Variants in ST8SIA6 observed in about 807,000 individuals in gnomAD.
ST8SIA6 encodes the protein alpha-2,8-sialyltransferase 8F.
Under a neutral mutation model 33.6 loss-of-function variants are expected in ST8SIA6, and 39 were observed. The ratio of observed to expected loss-of-function variants is 1.16; its 90% CI spans 0.90 to 1.52. The LOEUF (loss-of-function observed/expected upper bound fraction) is 1.52, where lower values mean the gene tolerates loss of function less well. Among genes scored for constraint, ST8SIA6 ranks in the 40% most tolerant of loss-of-function variants. The pLI, the probability that ST8SIA6 is intolerant of heterozygous loss-of-function variation, is 0.00. For synonymous variants in ST8SIA6, 172 were observed against 167.2 expected (o/e 1.03, Z -0.22); for missense variants, 441 against 443.8 (o/e 0.99, Z 0.06).
chr10:17,372,594 G>C lies in ST8SIA6; in HGVS notation c.291-12994C>G, dbSNP rs74117645. Among the ~76,000 whole-genome samples, 867 of 152,290 alleles carry C rather than the reference G, an allele frequency of 5.7e-3. 13 individuals are homozygous for C. Among genetic ancestry groups the C allele is most frequent in the African/African-American group, 0.019 (793 of 41,538 alleles). ...ACATACATTTAAATTACCTGGCAGA[G>C]AGTCGGCCCACAGAAATGGTAATTG... On this transcript the variant is annotated intron_variant, in intron 3 of 7. Transcript: ENST00000377602.
In ST8SIA6 at chr10:17,327,104, G is replaced by C; in HGVS notation, c.545C>G (p.Pro182Arg). 6.2e-7 allele frequency: 1 copy of C among 1,603,570 alleles called. No individual in the cohort carries two copies. The highest frequency in any genetic ancestry group is 8.5e-7 in the Non-Finnish European group (1 of 1,176,182). ...FPVSQPFVDY[P>R]YNQCAVVGNG... ...TCCGACCACTGCACACTGATTATAA[G>C]GGTAGTCCACAAAAGGCTGGGACTA... Residue 182 changes from proline (P) to arginine (R), a missense_variant, in exon 6 of 8, where the codon CCT becomes CGT. Transcript: ENST00000377602.
At chr10:17,329,126 G>A (rs1588785589) in intron 5 of ST8SIA6, among the ~76,000 whole-genome samples, 1 of 152,118 alleles carries the variant, frequency 6.6e-6, no homozygotes, top group African/African-American at 2.4e-5. Flanking sequence ...AAGAAACTCG[G>A]TTTCAGTACA....
At chr10:17,356,806 C>A (rs1849206154) in intron 4 of ST8SIA6, among the ~76,000 whole-genome samples, 1 of 151,764 alleles carries the variant, frequency 6.6e-6, no homozygotes, top group South Asian at 2.1e-4. Flanking sequence ...ATGGCTGTAC[C>A]CTCCATGGAC....
chr10:17,407,317 A>G lies in ST8SIA6; in HGVS notation c.201-16697T>C, dbSNP rs181114556. On this transcript the variant is annotated intron_variant, in intron 2 of 7. Transcript: ENST00000377602. ...TGTCCAGTTCAAACCAGCTGAGACC[A>G]CCAACCCTCTGAATGCACCTGCATG... 1.4e-3 allele frequency among the ~76,000 whole-genome samples: 207 copies of G among 152,308 alleles called. 2 individuals carry two copies. The highest frequency in any genetic ancestry group is 2.3e-3 in the Non-Finnish European group (156 of 68,032).
chr10:17,398,330 GA>G (rs772366475), intron 2 of ST8SIA6, among the ~76,000 whole-genome samples: 112 of 139,728 alleles, frequency 8.0e-4, no homozygotes, highest in Middle Eastern at 3.7e-3. Context: ...CCATCTTAAG[GA>G]AAAAAAAAAA....
chr10:17,356,641 G>C (rs1224530909), intron 4 of ST8SIA6, among the ~76,000 whole-genome samples: 1 of 152,122 alleles, frequency 6.6e-6, no homozygotes, highest in Non-Finnish European at 1.5e-5. Flanking sequence ...ACCCACCTCA[G>C]CCTCCCAAAG....
intron 2 of ST8SIA6, among the ~76,000 whole-genome samples, chr10:17,439,590 CT>C (rs1265687799): frequency 6.6e-6 from 1 of 152,196 alleles, no homozygotes; most frequent in Non-Finnish European, 1.5e-5. Context: ...ATATGTTTAA[CT>C]TTTTAAGAAA....
chr10:17,386,734 A>G (rs1405241455), intron 3 of ST8SIA6, among the ~76,000 whole-genome samples: 1 of 152,192 alleles, frequency 6.6e-6, no homozygotes, highest in Non-Finnish European at 1.5e-5. Flanking sequence ...GCCGAGGCCT[A>G]AAATGGCATC....
At chr10:17,344,661 G>A (rs1305260255) in intron 4 of ST8SIA6, among the ~76,000 whole-genome samples, 1 of 152,196 alleles carries the variant, frequency 6.6e-6, no homozygotes, top group Non-Finnish European at 1.5e-5. Context: ...TACACCTTTG[G>A]AAATTTTGGA....
Position 17,390,537 on chromosome 10 carries a change from GT to G in ST8SIA6, c.283del (p.Thr95ArgfsTer58). On this transcript the variant is annotated frameshift_variant, in exon 3 of 8. Coordinates refer to ENST00000377602, the MANE Select transcript of ST8SIA6 (RefSeq NM_001004470.3). ...QYGIESFSNK[T>X]KGYSENDYLQ... ...TGTGAAGAGTAGAACTTACCCTTTC[GT>G]TTTGTTAGAGAAAGACTCAATGCCA... 6.2e-7 allele frequency: 1 copy of G among 1,611,478 alleles called. No homozygotes were observed. The highest frequency in any genetic ancestry group is 1.1e-5 in the South Asian group (1 of 90,690).
chr10:17,422,883 G>C (rs1171586482), intron 2 of ST8SIA6, among the ~76,000 whole-genome samples: 1 of 152,164 alleles, frequency 6.6e-6, no homozygotes, highest in African/African-American at 2.4e-5. Context: ...AAGAGATAGA[G>C]AAGCGAATGA....
chr10:17,424,703 T>A (rs1266652053), intron 2 of ST8SIA6, among the ~76,000 whole-genome samples: 1 of 152,158 alleles, frequency 6.6e-6, no homozygotes, highest in Non-Finnish European at 1.5e-5. Context: ...ACTAATTATT[T>A]TTCTTTTAGG....
intron 2 of ST8SIA6, among the ~76,000 whole-genome samples, chr10:17,396,843 T>A (rs1300336327): frequency 3.9e-5 from 6 of 152,214 alleles, no homozygotes; most frequent in African/African-American, 1.2e-4. Flanking sequence ...AAACCATTCT[T>A]GGAAAGCATC....
intron 2 of ST8SIA6, among the ~76,000 whole-genome samples, chr10:17,451,851 C>T (rs1018172975): frequency 2.0e-5 from 3 of 152,116 alleles, no homozygotes; most frequent in East Asian, 1.9e-4. Flanking sequence ...CTTTTACAAA[C>T]ACAGAATGGT....
chr10:17,333,879 G>C (rs1445815840), intron 4 of ST8SIA6, among the ~76,000 whole-genome samples: 1 of 150,458 alleles, frequency 6.6e-6, no homozygotes, highest in East Asian at 2.0e-4. Flanking sequence ...CTGCTACCAT[G>C]TCCGGCTAAT....
At chr10:17,340,698 C>G (rs1449433545) in intron 4 of ST8SIA6, among the ~76,000 whole-genome samples, 3 of 152,182 alleles carry the variant, frequency 2.0e-5, no homozygotes, top group Non-Finnish European at 1.5e-5. Flanking sequence ...TCCAGCAAAA[C>G]CATGGTGTGC....
rs1847894027 is a variant in ST8SIA6 at position 17,320,004 on chromosome 10, T to TGCATATCA, written c.*873_*874insTGATATGC. 1 of 152,170 alleles carries TGCATATCA rather than the reference T, an allele frequency of 6.6e-6. No individual in the cohort carries two copies. Among genetic ancestry groups the TGCATATCA allele is most frequent in the African/African-American group, 2.4e-5 (1 of 41,446 alleles). 9.4% of individuals were successfully genotyped at this position (152,170 alleles called of 1,614,324 possible). ...TCATAATTAATGATATGCACATCTGTTTTCTCCTACAAGAGGCAATAATCC... is the reference window on the plus strand; with the variant it reads ...TCATAATTAATGATATGCACATCTGTGCATATCATTTCTCCTACAAGAGGCAATAATCC... On this transcript the variant is annotated 3_prime_UTR_variant, in exon 8 of 8. Transcript: ENST00000377602.
At chr10:17,402,255 C>T (rs540028904) in intron 2 of ST8SIA6, among the ~76,000 whole-genome samples, 3 of 152,048 alleles carry the variant, frequency 2.0e-5, no homozygotes, top group Non-Finnish European at 2.9e-5. Context: ...GTTAGAATGG[C>T]GATCATTAAA....
chr10:17,347,953 C>CAAAAAAAAAAAAAAAAAAA (rs55996465), intron 4 of ST8SIA6, among the ~76,000 whole-genome samples: 19 of 68,624 alleles, frequency 2.8e-4, no homozygotes, highest in Non-Finnish European at 2.5e-4. Context: ...GACTCTGTCT[C>CAAAAAAAAAAAAAAAAAAA]AAAAAAAAAA....
Sources: allele counts gnomAD v4.1 joint callset (sites outside exome capture counted in the v4.1 genomes callset), GRCh38; gene constraint gnomAD v4.1.1; transcripts MANE v1.5; gene names NCBI Gene and HGNC (gene_info 2026-07-23, HGNC 2026-07-21).